The following SNX9 variants were observed in gnomAD, a reference collection of about 807,000 sequenced individuals.
SNX9 encodes the protein sorting nexin 9.
In SNX9, 44 loss-of-function variants were observed where a neutral mutation model predicts 89.4. The ratio of observed to expected loss-of-function variants is 0.49; its 90% CI spans 0.39 to 0.63. The LOEUF (loss-of-function observed/expected upper bound fraction) is 0.63. SNX9 is among the 30% of genes least tolerant of loss of function. The probability of loss-of-function intolerance (pLI) is 0.00; values close to 1 mark genes in which losing one functional copy is unlikely to be tolerated. For synonymous variants in SNX9, 236 were observed against 247.8 expected (o/e 0.95, Z 0.45); for missense variants, 578 against 736.1 (o/e 0.79, Z 2.49).
chr6:157,900,056 G>A (rs2115167958), intron 5 of SNX9, among the ~76,000 whole-genome samples: 1 of 152,194 alleles, frequency 6.6e-6, no homozygotes, highest in South Asian at 2.1e-4. Context: ...CTACATGACT[G>A]CAACTTTGTA....
intron 1 of SNX9, among the ~76,000 whole-genome samples, chr6:157,862,509 T>A (rs1192015840): frequency 2.0e-5 from 3 of 152,240 alleles, no homozygotes; most frequent in Non-Finnish European, 4.4e-5. Flanking sequence ...TTTTATTTTT[T>A]AATTGTACTT....
chr6:157,860,215 A>G (rs1782093769), intron 1 of SNX9, among the ~76,000 whole-genome samples: 1 of 152,240 alleles, frequency 6.6e-6, no homozygotes, highest in Non-Finnish European at 1.5e-5. Context: ...CCTAGGCAAC[A>G]TAGTGAGATC....
intron 1 of SNX9, among the ~76,000 whole-genome samples, chr6:157,862,667 T>C (rs1782164738): frequency 1.3e-5 from 2 of 152,340 alleles, no homozygotes; most frequent in Non-Finnish European, 2.9e-5. Context: ...GAACTTTTTT[T>C]ATTGCCAGGG....
At position 157,896,823 on chromosome 6, in the gene SNX9, A is replaced by G; in HGVS notation, c.301-4A>G. On this transcript the variant is annotated splice_polypyrimidine_tract_variant and splice_region_variant and intron_variant, in intron 4 of 17. Coordinates refer to ENST00000392185, the MANE Select transcript of SNX9 (RefSeq NM_016224.5). ...ATTCTCCTTCTTTTTACCCCTCTCA[A>G]TAGGTTGGCAGTGGCAATGACCCCT... The G allele has an allele frequency of 1.2e-6, 2 of 1,612,494 alleles. No individual in the cohort carries two copies. The highest frequency in any genetic ancestry group is 1.7e-6 in the Non-Finnish European group (2 of 1,179,682).
intron 4 of SNX9, among the ~76,000 whole-genome samples, chr6:157,893,726 T>C (rs2115161158): frequency 6.6e-6 from 1 of 152,310 alleles, no homozygotes; most frequent in South Asian, 2.1e-4. Flanking sequence ...TGAATAATTT[T>C]AATCAATTTT....
chr6:157,826,146 T>C (rs1424205766), intron 1 of SNX9, among the ~76,000 whole-genome samples: 1 of 152,034 alleles, frequency 6.6e-6, no homozygotes, highest in East Asian at 1.9e-4. Flanking sequence ...TATTTTACAA[T>C]AAAAAAGGAA....
At chr6:157,920,989 C>T (rs1783571030) in intron 9 of SNX9, among the ~76,000 whole-genome samples, 1 of 152,108 alleles carries the variant, frequency 6.6e-6, no homozygotes, top group South Asian at 2.1e-4. Flanking sequence ...AAAGCTATAG[C>T]CTTGGGTTAC....
At chr6:157,924,215 ATATG>A (rs1416069088) in intron 10 of SNX9, among the ~76,000 whole-genome samples, 3 of 151,956 alleles carry the variant, frequency 2.0e-5, no homozygotes, top group Non-Finnish European at 4.4e-5. Context: ...ATAAATATAT[ATATG>A]TATGTATTAT....
chr6:157,828,217 A>G (rs928031068), intron 1 of SNX9, among the ~76,000 whole-genome samples: 2 of 144,698 alleles, frequency 1.4e-5, no homozygotes, highest in African/African-American at 2.6e-5. Flanking sequence ...TAGAGTGTGC[A>G]GTATTTGTAT....
At chr6:157,883,326 G>A (rs756909724) in intron 4 of SNX9, among the ~76,000 whole-genome samples, 56 of 152,134 alleles carry the variant, frequency 3.7e-4, no homozygotes, top group African/African-American at 1.1e-3. Flanking sequence ...TCACTTTAAC[G>A]TGATGGACTG....
intron 1 of SNX9, among the ~76,000 whole-genome samples, chr6:157,857,211 A>C (rs1782030424): frequency 6.6e-6 from 1 of 152,198 alleles, no homozygotes; most frequent in South Asian, 2.1e-4. Context: ...CCACATTTGG[A>C]CAGCAAGCTC....
At chr6:157,882,179 G>A (rs545419232) in intron 4 of SNX9, among the ~76,000 whole-genome samples, 12 of 152,276 alleles carry the variant, frequency 7.9e-5, no homozygotes, top group African/African-American at 2.2e-4. Context: ...AGAATTATGC[G>A]GAATCTACTC....
At chr6:157,907,754 C>T (rs1783248277) in intron 7 of SNX9, among the ~76,000 whole-genome samples, 1 of 152,220 alleles carries the variant, frequency 6.6e-6, no homozygotes, top group African/African-American at 2.4e-5. Flanking sequence ...AGGAAAGCCA[C>T]CGCGTCTTCA....
chr6:157,897,659 C>T (rs569237748), intron 5 of SNX9, among the ~76,000 whole-genome samples: 85 of 152,158 alleles, frequency 5.6e-4, no homozygotes, highest in Admixed American at 1.2e-3. Flanking sequence ...AGGAGCCCAC[C>T]GCCCACCGCC....
intron 7 of SNX9, among the ~76,000 whole-genome samples, chr6:157,907,934 G>GT (rs1197224405): frequency 1.3e-5 from 2 of 152,228 alleles, no homozygotes; most frequent in African/African-American, 2.4e-5. Context: ...CTTTCAGCTA[G>GT]TTTCTTGGAT....
intron 5 of SNX9, among the ~76,000 whole-genome samples, chr6:157,897,763 G>A (rs1783010997): frequency 6.6e-6 from 1 of 152,128 alleles, no homozygotes; most frequent in Non-Finnish European, 1.5e-5. Context: ...TGATCCACCT[G>A]CCTCAGCCTC....
rs1283007942 is a variant in SNX9, at chr6:157,873,167, C to T, written c.165C>T (p.Asp55=). Residue 55 remains aspartate (D), a synonymous_variant, in exon 3 of 18, where the codon GAC becomes GAT. Transcript: ENST00000392185. ...IKGERGLVPT[D]YVEILPSDGK... ...GAGAACGAGGGCTGGTTCCCACAGA[C>T]TACGTTGAAGTAAGAGCTTCCTGTC... 6.3e-7 allele frequency: 1 copy of T among 1,595,152 alleles called. No homozygotes were observed. The highest frequency in any genetic ancestry group is 1.3e-5 in the African/African-American group (1 of 74,300).
At chr6:157,887,519 G>T (rs1314577081) in intron 4 of SNX9, among the ~76,000 whole-genome samples, 2 of 152,156 alleles carry the variant, frequency 1.3e-5, no homozygotes, top group African/African-American at 4.8e-5. Context: ...GCCGAGCTTT[G>T]TGTGGGTTTT....
At chr6:157,940,765 A>C (rs1784020295) in intron 16 of SNX9, 118 bp from the exon 17 acceptor site, 1 of 858,142 alleles carries the variant, frequency 1.2e-6, no homozygotes, top group South Asian at 1.6e-5. Context: ...AAGAACTGAC[A>C]ACAGCAGCCA....
Sources: gnomAD v4.1 joint callset for allele counts (sites outside exome capture counted in the v4.1 genomes callset) on GRCh38, gnomAD v4.1.1 for gene constraint, MANE v1.5 for transcripts, NCBI Gene and HGNC (gene_info 2026-07-23, HGNC 2026-07-21) for gene names.